The following ROBO1 variants were observed in gnomAD, a reference collection of about 807,000 sequenced individuals.
ROBO1 encodes the protein roundabout guidance receptor 1, also known as roundabout homolog 1.
In ROBO1, 149 loss-of-function variants were observed where a neutral mutation model predicts 195.9. The ratio of observed to expected loss-of-function variants is 0.76; its 90% CI spans 0.67 to 0.87. ROBO1 has a LOEUF of 0.87. Among genes scored for constraint, ROBO1 ranks in the 40% least tolerant of loss-of-function variants. The probability of loss-of-function intolerance (pLI) is 0.00; values close to 1 mark genes in which losing one functional copy is unlikely to be tolerated. For missense variants in ROBO1, 1,933 were observed against 2,068.3 expected (o/e 0.93, Z 1.27); for synonymous variants, 816 against 733.2 (o/e 1.11, Z -1.82).
intron 24 of ROBO1, 89 bp downstream of exon 24, chr3:78,633,846 C>T: frequency 1.4e-6 from 1 of 735,814 alleles, no homozygotes; most frequent in Non-Finnish European, 2.3e-6. Flanking sequence ...GACATGTCAC[C>T]TACATACGTC....
In ROBO1 at chr3:78,679,745, G is replaced by A. The variant is rs1394525650; in HGVS notation, c.1342+6001C>T. ...TAGGAAGAATCAATATCGTGAAAAT[G>A]GCCATACTGCCCAAGGTAATTTATA... On this transcript the variant is annotated intron_variant, in intron 10 of 30. Transcript: ENST00000464233. 5.9e-5 allele frequency among the ~76,000 whole-genome samples: 9 copies of A among 152,234 alleles called. No individual in the cohort carries two copies. The South Asian group carries it at 1.5e-3, about 25-fold the overall frequency.
intron 3 of ROBO1, among the ~76,000 whole-genome samples, chr3:79,034,253 T>C (rs1484927202): frequency 6.6e-6 from 1 of 152,194 alleles, no homozygotes; most frequent in Non-Finnish European, 1.5e-5. Flanking sequence ...GCCTTTACAG[T>C]TATTCATATT....
At chr3:79,476,352 T>C (rs1429719128) in intron 2 of ROBO1, among the ~76,000 whole-genome samples, 2 of 152,080 alleles carry the variant, frequency 1.3e-5, no homozygotes, top group African/African-American at 4.8e-5. Context: ...GAACTAAATA[T>C]AGAACTAACA....
intron 3 of ROBO1, 37 bp downstream of exon 3, chr3:79,125,419 C>A: frequency 6.5e-7 from 1 of 1,548,550 alleles, no homozygotes; most frequent in Non-Finnish European, 8.9e-7. Flanking sequence ...GGAGGCATTT[C>A]AGGAGGAAGT....
chr3:78,883,385 C>T (rs2036302455), intron 4 of ROBO1, among the ~76,000 whole-genome samples: 1 of 151,836 alleles, frequency 6.6e-6, no homozygotes, highest in African/African-American at 2.4e-5. Context: ...CCACATGAGA[C>T]GCAGATATGT....
At chr3:79,397,082 T>C (rs558208342) in intron 2 of ROBO1, among the ~76,000 whole-genome samples, 1 of 152,158 alleles carries the variant, frequency 6.6e-6, no homozygotes, top group Admixed American at 6.6e-5. Flanking sequence ...AATATACTCT[T>C]TGAATAATAG....
chr3:78,786,291 G>A lies in ROBO1; in HGVS notation c.500-39391C>T, dbSNP rs190974097. Among the ~76,000 whole-genome samples, 239 of 152,132 alleles carry A rather than the reference G, an allele frequency of 1.6e-3. 1 individual carries two copies. The highest frequency in any genetic ancestry group is 0.014 in the Middle Eastern group (4 of 294). On this transcript the variant is annotated intron_variant, in intron 4 of 30. Transcript: ENST00000464233. ...TATTATATAACCAAGTTTAATATGA[G>A]CAATAAATATCAGAAAATACATTTA... is the stretch of plus-strand genomic sequence containing the variant.
chr3:79,621,864 A>T (rs1421944588), intron 1 of ROBO1, among the ~76,000 whole-genome samples: 1 of 152,236 alleles, frequency 6.6e-6, no homozygotes, highest in African/African-American at 2.4e-5. Context: ...TGAGACTACA[A>T]GGCAACTACG....
intron 2 of ROBO1, among the ~76,000 whole-genome samples, chr3:79,360,212 G>A (rs2035713953): frequency 6.6e-6 from 1 of 151,922 alleles, no homozygotes; most frequent in Non-Finnish European, 1.5e-5. Context: ...AGGTCTTAGT[G>A]ATATCAGAAT....
intron 2 of ROBO1, among the ~76,000 whole-genome samples, chr3:79,301,832 C>T (rs2032972988): frequency 6.6e-6 from 1 of 152,070 alleles, no homozygotes; most frequent in Non-Finnish European, 1.5e-5. Flanking sequence ...GTGAAGCTGA[C>T]CTTGGAAACA....
chr3:78,674,311 G>C (rs1339603920), intron 10 of ROBO1, among the ~76,000 whole-genome samples: 2 of 152,108 alleles, frequency 1.3e-5, no homozygotes, highest in Non-Finnish European at 2.9e-5. Context: ...CTTTGTCTTT[G>C]TTCTGTTTGC....
At chr3:79,685,053 G>T (rs192906051) in intron 1 of ROBO1, among the ~76,000 whole-genome samples, 1 of 152,080 alleles carries the variant, frequency 6.6e-6, no homozygotes, top group African/African-American at 2.4e-5. Flanking sequence ...CTTTTTTATT[G>T]TTTTGTGGTA....
intron 2 of ROBO1, among the ~76,000 whole-genome samples, chr3:79,570,408 C>T (rs923636619): frequency 2.6e-5 from 4 of 152,022 alleles, no homozygotes; most frequent in African/African-American, 7.2e-5. Flanking sequence ...TTACTAGAAG[C>T]ACTCTCACAT....
At position 78,627,564 on chromosome 3, in the gene ROBO1, T is replaced by C; in HGVS notation, c.3632A>G (p.Asp1211Gly). The change falls in exon 26 of 31, where the codon GAC (aspartate) becomes GGC (glycine). Residue 1211 changes from aspartate to glycine, a missense_variant. Coordinates refer to ENST00000464233, the MANE Select transcript of ROBO1 (RefSeq NM_002941.4). Reference protein sequence around the residue: ...EYNISVDESYDQEMPCPVPPA... With the variant: ...EYNISVDESYGQEMPCPVPPA... ...TGGCACGGGACATGGCATTTCTTGGTCATAGCTAAAATAAATGATAAGGAT... is the reference window on the plus strand; with the variant it reads ...TGGCACGGGACATGGCATTTCTTGGCCATAGCTAAAATAAATGATAAGGAT... 6.2e-7 allele frequency: 1 copy of C among 1,610,102 alleles called. No individual in the cohort carries two copies.
At chr3:79,439,023 T>A (rs1239924922) in intron 2 of ROBO1, among the ~76,000 whole-genome samples, 1 of 152,102 alleles carries the variant, frequency 6.6e-6, no homozygotes, top group Non-Finnish European at 1.5e-5. Context: ...TGTTTTTCAA[T>A]GTTTGGATGA....
chr3:79,106,597 A>C (rs1378009141), intron 3 of ROBO1, among the ~76,000 whole-genome samples: 1 of 151,604 alleles, frequency 6.6e-6, no homozygotes, highest in African/African-American at 2.4e-5. Context: ...TATTTTTGCA[A>C]ACACCTAAAG....
intron 4 of ROBO1, among the ~76,000 whole-genome samples, chr3:78,831,014 G>A (rs2032142882): frequency 6.6e-6 from 1 of 152,096 alleles, no homozygotes; most frequent in Non-Finnish European, 1.5e-5. Context: ...CCGTGTTCAA[G>A]TGATTCTCCT....
chr3:79,765,415 G>C (rs557595040), intron 1 of ROBO1, among the ~76,000 whole-genome samples: 2 of 152,166 alleles, frequency 1.3e-5, no homozygotes, highest in East Asian at 3.9e-4. Context: ...ATTTTGGAAG[G>C]GCAAATATTG....
chr3:79,393,364 C>T (rs2037025301), intron 2 of ROBO1, among the ~76,000 whole-genome samples: 1 of 152,198 alleles, frequency 6.6e-6, no homozygotes, highest in Admixed American at 6.5e-5. Context: ...CTCTTCACCA[C>T]TGTATGCTGG....
Sources: gnomAD v4.1 joint callset for allele counts (sites outside exome capture counted in the v4.1 genomes callset) on GRCh38, gnomAD v4.1.1 for gene constraint, MANE v1.5 for transcripts, NCBI Gene and HGNC (gene_info 2026-07-23, HGNC 2026-07-21) for gene names.